Variants in ADCY3 observed in about 807,000 individuals in gnomAD.
The protein encoded by ADCY3 is adenylate cyclase 3.
ADCY3 carries 70 observed loss-of-function variants against 119.4 expected under a neutral mutation model. The observed-to-expected ratio is 0.59, with a 90% CI of 0.48 to 0.72. ADCY3 has a LOEUF of 0.72. Among genes scored for constraint, ADCY3 ranks in the 30% least tolerant of loss-of-function variants. The probability of loss-of-function intolerance (pLI) is 0.00; values close to 1 mark genes in which losing one functional copy is unlikely to be tolerated. For synonymous variants in ADCY3, 672 were observed against 621.4 expected, an observed-to-expected ratio of 1.08 and a Z score of -1.21; for missense variants, 1,238 against 1,541.6, an observed-to-expected ratio of 0.80 and a Z score of 3.30.
At chr2:24,851,498 T>C (rs555728985) in intron 3 of ADCY3, among the ~76,000 whole-genome samples, 2 of 152,304 alleles carry the variant, frequency 1.3e-5, no homozygotes, top group South Asian at 2.1e-4. Flanking sequence ...AGAGATGAAG[T>C]TGTCTGTTAC....
At chr2:24,857,611 C>G (rs1306185510) in intron 3 of ADCY3, among the ~76,000 whole-genome samples, 2 of 152,336 alleles carry the variant, frequency 1.3e-5, no homozygotes, top group African/African-American at 4.8e-5. Flanking sequence ...TATTGCAGCT[C>G]TAGAACACTG....
intron 19 of ADCY3, 200 bp downstream of exon 19, chr2:24,822,311 G>C: frequency 1.5e-6 from 1 of 675,112 alleles, no homozygotes; most frequent in South Asian, 1.9e-5. Flanking sequence ...AACAGCAGGG[G>C]GTTGTGTGTC....
intron 2 of ADCY3, among the ~76,000 whole-genome samples, chr2:24,915,493 C>T (rs560053550): frequency 1.3e-5 from 2 of 152,118 alleles, no homozygotes; most frequent in Non-Finnish European, 2.9e-5. Context: ...ACCGCTGTCC[C>T]GGGTGTCCCT....
intron 3 of ADCY3, among the ~76,000 whole-genome samples, chr2:24,860,375 C>T (rs1673482307): frequency 1.3e-5 from 2 of 152,252 alleles, no homozygotes; most frequent in Non-Finnish European, 2.9e-5. Context: ...CCAAGGTCAG[C>T]ATGCACCCTG....
chr2:24,862,865 G>A (rs1558468899), intron 3 of ADCY3, among the ~76,000 whole-genome samples: 1 of 152,034 alleles, frequency 6.6e-6, no homozygotes, highest in Non-Finnish European at 1.5e-5. Flanking sequence ...CTTCAAAATT[G>A]TATCCAACAA....
chr2:24,911,650 AAAAAAAAAC>A (rs1442238320), intron 2 of ADCY3, among the ~76,000 whole-genome samples: 1 of 98,164 alleles, frequency 1.0e-5, no homozygotes, highest in Non-Finnish European at 2.0e-5. Context: ...AAAAAAAAAA[AAAAAAAAAC>A]ACACACACAC....
rs771956392 is a variant in ADCY3 at position 24,836,993 on chromosome 2, A to G, written c.1586T>C (p.Ile529Thr). 79 of 1,613,926 alleles carry G rather than the reference A, an allele frequency of 4.9e-5. No homozygotes were observed. The highest frequency in any genetic ancestry group is 6.6e-5 in the Non-Finnish European group (78 of 1,180,028). The change falls in exon 9 of 22, where the codon ATT (isoleucine) becomes ACT (threonine). Residue 529 changes from isoleucine to threonine, a missense_variant. By Grantham distance (89) the Ile-to-Thr change is moderately conservative. This residue lies in a region of ADCY3 where 499 missense variants were observed against 571.0 expected (regional missense o/e 0.87). Transcript: ENST00000679454. The part of the protein sequence containing the change: ...ASSKSSSPAL[I>T]ETKEPNGSAH... ...ACTCCCGTTGGGCTCCTTGGTCTCA[A>G]TGAGGGCAGGGGAGCTGGACTTTGA...
At chr2:24,823,959 T>G (rs976611872) in intron 17 of ADCY3, among the ~76,000 whole-genome samples, 9 of 152,218 alleles carry the variant, frequency 5.9e-5, no homozygotes. Flanking sequence ...CCTCCCAAAG[T>G]GCCGGGATTA....
At chr2:24,911,061 C>T (rs1295997060) in intron 2 of ADCY3, among the ~76,000 whole-genome samples, 9 of 152,036 alleles carry the variant, frequency 5.9e-5, no homozygotes, top group Non-Finnish European at 1.3e-4. Context: ...TTGGTTGCAA[C>T]ACTCAACACC....
intron 2 of ADCY3, among the ~76,000 whole-genome samples, chr2:24,896,459 T>C (rs1007906379): frequency 6.6e-6 from 1 of 152,210 alleles, no homozygotes; most frequent in African/African-American, 2.4e-5. Context: ...GGTCTATTTC[T>C]ATTGACCACT....
At chr2:24,835,430 A>G (rs1295355509) in intron 9 of ADCY3, among the ~76,000 whole-genome samples, 1 of 152,176 alleles carries the variant, frequency 6.6e-6, no homozygotes, top group Non-Finnish European at 1.5e-5. Context: ...GATGGGAGAG[A>G]GAAGAATGTC....
chr2:24,911,329 C>G (rs1023195660), intron 2 of ADCY3, among the ~76,000 whole-genome samples: 11 of 150,124 alleles, frequency 7.3e-5, no homozygotes, highest in African/African-American at 2.7e-4. Flanking sequence ...CAAGCCATCC[C>G]CCTCCCCAGC....
chr2:24,919,007 T>A lies in ADCY3; in HGVS notation c.-20A>T. ...CGGCATACTGGCTGGTGTCTGCTACTGGCCCTAGAGAAGTGGACTGGGAAC... is the reference window on the plus strand; with the variant it reads ...CGGCATACTGGCTGGTGTCTGCTACAGGCCCTAGAGAAGTGGACTGGGAAC... On this transcript the variant is annotated 5_prime_UTR_variant, in exon 2 of 22. Transcript: ENST00000679454. The surrounding 1 kb of genome is among the most constrained non-coding windows in gnomAD (Gnocchi z 5.5). The A allele has an allele frequency of 1.3e-6, 2 of 1,533,684 alleles. No individual in the cohort carries two copies. The highest frequency in any genetic ancestry group is 1.7e-6 in the Non-Finnish European group (2 of 1,144,330).
intron 17 of ADCY3, among the ~76,000 whole-genome samples, chr2:24,823,817 G>A (rs1001078472): frequency 9.2e-5 from 14 of 151,412 alleles, no homozygotes; most frequent in African/African-American, 3.2e-4. Context: ...TCAGTTTCCC[G>A]AGTAGCTGGG....
chr2:24,867,598 G>A (rs557442151), intron 3 of ADCY3, among the ~76,000 whole-genome samples: 2 of 152,262 alleles, frequency 1.3e-5, no homozygotes, highest in South Asian at 2.1e-4. Context: ...AGCACAAAAC[G>A]GATGAAGACA....
At chr2:24,849,162 C>A (rs1412163961) in intron 3 of ADCY3, among the ~76,000 whole-genome samples, 1 of 152,224 alleles carries the variant, frequency 6.6e-6, no homozygotes, top group Admixed American at 6.5e-5. Flanking sequence ...CCTTTCCTGC[C>A]CTCCTGGGTC....
At chr2:24,871,134 A>ATT (rs11433494) in intron 3 of ADCY3, among the ~76,000 whole-genome samples, 6,559 of 148,822 alleles carry the variant, frequency 0.044, 442 homozygotes, top group African/African-American at 0.15. Flanking sequence ...TGACACATGC[A>ATT]TTTTTTTTTT....
At chr2:24,827,675 C>G (rs1668817723) in intron 14 of ADCY3, 67 bp from the exon 15 acceptor site, 1 of 1,518,148 alleles carries the variant, frequency 6.6e-7, no homozygotes, top group African/African-American at 1.4e-5. Context: ...CAGCCAGGCA[C>G]CGGGGTATCC....
intron 11 of ADCY3, among the ~76,000 whole-genome samples, chr2:24,833,046 C>A (rs4665731): frequency 0.49 from 74,530 of 152,042 alleles, 19,193 homozygotes; most frequent in East Asian, 0.66. Context: ...AACCACTGAT[C>A]CTCCTCTATC....
Sources: allele counts gnomAD v4.1 joint callset (sites outside exome capture counted in the v4.1 genomes callset), GRCh38; gene constraint gnomAD v4.1.1; regional missense constraint gnomAD v4.1.1; non-coding constraint Gnocchi (gnomAD v3.1); transcripts MANE v1.5; gene names NCBI Gene and HGNC (gene_info 2026-07-23, HGNC 2026-07-21).